The following PRKCQ variants were observed in gnomAD, a reference collection of about 807,000 sequenced individuals.
PRKCQ encodes the protein protein kinase C theta, also known as protein kinase C theta type.
Under a neutral mutation model 91.2 loss-of-function variants are expected in PRKCQ, and 41 were observed. The ratio of observed to expected loss-of-function variants is 0.45; its 90% CI spans 0.35 to 0.58. The LOEUF is 0.58. PRKCQ is among the 20% of genes least tolerant of loss of function. The pLI is 0.00. For synonymous variants in PRKCQ, 307 were observed against 316.9 expected, an observed-to-expected ratio of 0.97 and a Z score of 0.33; for missense variants, 673 against 896.5, an observed-to-expected ratio of 0.75 and a Z score of 3.18.
intron 4 of PRKCQ, among the ~76,000 whole-genome samples, chr10:6,505,321 A>G (rs779850919): frequency 2.0e-4 from 30 of 152,204 alleles, no homozygotes; most frequent in Non-Finnish European, 3.8e-4. Context: ...TAGAAGGACC[A>G]TCCATGGAAT....
chr10:6,406,404 C>A, the PRKCQ span, among the ~76,000 whole-genome samples: 1 of 150,976 alleles, frequency 6.6e-6, no homozygotes, highest in African/African-American at 2.4e-5. Context: ...TTCCAGAATT[C>A]GGCTGTAAAA....
chr10:6,444,760 G>A (rs1473218420), intron 15 of PRKCQ, among the ~76,000 whole-genome samples: 5 of 151,956 alleles, frequency 3.3e-5, no homozygotes, highest in South Asian at 2.1e-4. Context: ...GGCGCTACTC[G>A]TATGACATGG....
At chr10:6,445,260 C>T (rs1834217522) in intron 15 of PRKCQ, among the ~76,000 whole-genome samples, 1 of 152,084 alleles carries the variant, frequency 6.6e-6, no homozygotes, top group Non-Finnish European at 1.5e-5. Context: ...CCCTCCACCA[C>T]CCCGGGGCCC....
intron 1 of PRKCQ, among the ~76,000 whole-genome samples, chr10:6,557,265 T>G (rs1407524551): frequency 2.0e-5 from 3 of 152,242 alleles, no homozygotes; most frequent in East Asian, 3.8e-4. Flanking sequence ...TCTTGCTCCC[T>G]GCAAGAGCGC....
intron 17 of PRKCQ, among the ~76,000 whole-genome samples, chr10:6,429,558 A>T (rs1833300488): frequency 6.6e-6 from 1 of 152,126 alleles, no homozygotes. Context: ...TGGGAAGTCC[A>T]TGAGCCTGGC....
chr10:6,487,515 A>C (rs1316504405), intron 8 of PRKCQ, among the ~76,000 whole-genome samples: 1 of 152,188 alleles, frequency 6.6e-6, no homozygotes, highest in Non-Finnish European at 1.5e-5. Flanking sequence ...TGATCTATAC[A>C]GGATTCTAGC....
the PRKCQ span, among the ~76,000 whole-genome samples, chr10:6,414,652 G>A: frequency 9.2e-5 from 14 of 152,104 alleles, no homozygotes; most frequent in Non-Finnish European, 2.1e-4. Context: ...AAACTATAAT[G>A]TCTGAGATAA....
At chr10:6,579,900 C>G (rs1841401030) in intron 1 of PRKCQ, among the ~76,000 whole-genome samples, 1 of 151,728 alleles carries the variant, frequency 6.6e-6, no homozygotes, top group African/African-American at 2.4e-5. Flanking sequence ...CCCCGCAGGC[C>G]CCCTTTCGTT....
intron 11 of PRKCQ, among the ~76,000 whole-genome samples, chr10:6,479,788 A>T (rs1412952416): frequency 1.3e-5 from 2 of 149,192 alleles, no homozygotes; most frequent in African/African-American, 2.5e-5. Flanking sequence ...AAAAAAAAAA[A>T]AAAAAAATCC....
At chr10:6,558,850 G>C (rs1250160616) in intron 1 of PRKCQ, among the ~76,000 whole-genome samples, 1 of 152,150 alleles carries the variant, frequency 6.6e-6, no homozygotes, top group East Asian at 1.9e-4. Flanking sequence ...GTAAGAGAAG[G>C]GGGCGACGAG....
chr10:6,427,743 T>C lies in PRKCQ; in HGVS notation c.*464A>G, dbSNP rs1417127753. On this transcript the variant is annotated 3_prime_UTR_variant, in exon 18 of 18. Coordinates refer to ENST00000263125, the MANE Select transcript of PRKCQ (RefSeq NM_006257.5). ...ACAGATAGGAATAGAATAAAACGGG[T>C]TAGTGATTACTTGTCTGCGGCTGAG... 1 of 168,280 alleles carries C rather than the reference T, an allele frequency of 5.9e-6. No homozygotes were observed. Among genetic ancestry groups the C allele is most frequent in the East Asian group, 1.8e-4 (1 of 5,578 alleles). The allele number at this position is 168,280 out of a possible 1,614,324, so 10.4% of individuals were successfully genotyped here. A position where few individuals can be genotyped will look rare whatever the true frequency, so the allele number is the denominator to read the frequency against.
intron 7 of PRKCQ, among the ~76,000 whole-genome samples, chr10:6,492,324 A>C (rs933828930): frequency 6.6e-6 from 1 of 152,052 alleles, no homozygotes; most frequent in African/African-American, 2.4e-5. Context: ...AAGCATTTTC[A>C]CACCTATTAT....
At chr10:6,524,364 A>C (rs1207873919) in intron 1 of PRKCQ, among the ~76,000 whole-genome samples, 1 of 152,140 alleles carries the variant, frequency 6.6e-6, no homozygotes, top group Non-Finnish European at 1.5e-5. Context: ...GGGCTCAGCA[A>C]GTTTAGGTGA....
chr10:6,521,425 C>G (rs1183668413), intron 1 of PRKCQ, among the ~76,000 whole-genome samples: 2 of 152,206 alleles, frequency 1.3e-5, no homozygotes, highest in African/African-American at 2.4e-5. Flanking sequence ...ATACACTGAA[C>G]TGCTGGAGTT....
chr10:6,403,261 A>G, the PRKCQ span, among the ~76,000 whole-genome samples: 7,760 of 152,294 alleles, frequency 0.051, 316 homozygotes, highest in South Asian at 0.14. Context: ...AGACTTCTCA[A>G]GGACACCATA....
rs10796268 is a variant in PRKCQ, at chr10:6,561,955, T to A, written c.-10+18256A>T. Among the ~76,000 whole-genome samples, 492 of 152,246 alleles carry A rather than the reference T, an allele frequency of 3.2e-3. 3 individuals carry two copies. The highest frequency in any genetic ancestry group is 0.011 in the African/African-American group (467 of 41,514). ...AAGGGAGTTGGAGATCTGAGGTGAA[T>A]AAAAGTCTGAAAAAGCAGATTAGGA... On this transcript the variant is annotated intron_variant, in intron 1 of 17. Coordinates refer to ENST00000263125, the MANE Select transcript of PRKCQ (RefSeq NM_006257.5).
the PRKCQ span, among the ~76,000 whole-genome samples, chr10:6,416,422 C>T: frequency 3.2e-4 from 48 of 152,114 alleles, no homozygotes; most frequent in Non-Finnish European, 4.1e-4. Flanking sequence ...GCCTTTGCAT[C>T]CTCATAGCTT....
chr10:6,561,471 C>A (rs1840633417), intron 1 of PRKCQ, among the ~76,000 whole-genome samples: 2 of 151,516 alleles, frequency 1.3e-5, no homozygotes, highest in Non-Finnish European at 2.9e-5. Context: ...TGCTTCAGGA[C>A]CCTGTCAAAT....
chr10:6,483,542 A>C lies in PRKCQ; in HGVS notation c.1077T>G (p.Leu359=). Residue 359 remains leucine (L), a synonymous_variant, in exon 11 of 18, where the codon CTT becomes CTG. Transcript: ENST00000263125. ...TTTCTTTGTTCAGTTCAGGTTCTGGAAGATGGCACATTTTATCCACCTCAT... is the reference window on the plus strand; with the variant it reads ...TTTCTTTGTTCAGTTCAGGTTCTGGCAGATGGCACATTTTATCCACCTCAT... ...PLDEVDKMCH[L]PEPELNKERP... is the part of the protein sequence containing the mutation. The C allele has an allele frequency of 6.2e-7, 1 of 1,614,236 alleles. No homozygotes were observed. The highest frequency in any genetic ancestry group is 8.5e-7 in the Non-Finnish European group (1 of 1,180,032).
Sources: gnomAD v4.1 joint callset for allele counts (sites outside exome capture counted in the v4.1 genomes callset) on GRCh38, gnomAD v4.1.1 for gene constraint, MANE v1.5 for transcripts, NCBI Gene and HGNC (gene_info 2026-07-23, HGNC 2026-07-21) for gene names.